The following EDA variants were observed in gnomAD, a reference collection of about 807,000 sequenced individuals.
EDA encodes the protein ectodysplasin A, also known as ectodysplasin-A.
Under a neutral mutation model 23.6 loss-of-function variants are expected in EDA, and 2 were observed. The observed-to-expected ratio is 0.08, with a 90% CI of 0.03 to 0.27. EDA has a LOEUF of 0.27. Among genes scored for constraint, EDA ranks in the 10% least tolerant of loss-of-function variants. EDA has a pLI of 1.00. For missense variants in EDA, 229 were observed against 324.2 expected (o/e 0.71, Z 2.26); for synonymous variants, 131 against 132.0 (o/e 0.99, Z 0.05).
chrX:69,798,922 A>G (rs2015608910), intron 1 of EDA, among the ~76,000 whole-genome samples: 1 of 111,788 alleles, frequency 8.9e-6, no homozygotes, highest in African/African-American at 3.2e-5. Flanking sequence ...GCAAAACTGG[A>G]AGAATCACAT....
chrX:69,974,027 A>G (rs1032896357), intron 2 of EDA, among the ~76,000 whole-genome samples: 1 of 108,143 alleles, frequency 9.2e-6, no homozygotes, highest in African/African-American at 3.4e-5. Flanking sequence ...AACTTTAAAT[A>G]TATATATATA....
intron 1 of EDA, among the ~76,000 whole-genome samples, chrX:69,721,267 G>A (rs1362190123): frequency 8.9e-6 from 1 of 112,054 alleles, no homozygotes; most frequent in Non-Finnish European, 1.9e-5. Context: ...CTCCAAAAGT[G>A]TTTGGGCAAA....
chrX:69,857,709 T>A (rs946090966), intron 1 of EDA, among the ~76,000 whole-genome samples: 2 of 109,290 alleles, frequency 1.8e-5, no homozygotes, highest in Non-Finnish European at 3.8e-5. Context: ...TTTGTCTATG[T>A]GGGCTCTTTT....
chrX:70,003,092 G>A (rs1315492881), intron 2 of EDA, among the ~76,000 whole-genome samples: 1 of 111,882 alleles, frequency 8.9e-6, no homozygotes, highest in East Asian at 2.8e-4. Flanking sequence ...TAGACCTGAG[G>A]TTCATAAAAT....
chrX:69,650,432 GA>G lies in EDA; in HGVS notation c.396+33729del, dbSNP rs770619644. 3.2e-4 allele frequency among the ~76,000 whole-genome samples: 36 copies of G among 111,551 alleles called. 1 individual carries two copies. The South Asian group carries it at 8.0e-3, about 25-fold the overall frequency. On this transcript the variant is annotated intron_variant, in intron 1 of 7. Coordinates refer to ENST00000374552, the MANE Select transcript of EDA (RefSeq NM_001399.5). ...CAGAGGCTGGGAAGGGTCGTAGGGA[GA>G]GGGGTCACGAAGAGGGGTTGGTTAA... is the stretch of plus-strand genomic sequence containing the variant.
At chrX:69,949,804 C>T (rs1416971375) in intron 1 of EDA, among the ~76,000 whole-genome samples, 1 of 111,604 alleles carries the variant, frequency 9.0e-6, no homozygotes, top group African/African-American at 3.3e-5. Flanking sequence ...CATTATGGCT[C>T]CTACCTTGTG....
chrX:69,676,538 G>A (rs1233372019), intron 1 of EDA, among the ~76,000 whole-genome samples: 1 of 110,481 alleles, frequency 9.1e-6, no homozygotes, highest in Admixed American at 9.6e-5. Context: ...GTGTGTGTGT[G>A]TAATCTCTAA....
At chrX:69,664,155 G>A (rs1326617777) in intron 1 of EDA, among the ~76,000 whole-genome samples, 2 of 111,710 alleles carry the variant, frequency 1.8e-5, no homozygotes, top group African/African-American at 6.5e-5. Flanking sequence ...GAAATGTGAG[G>A]ACATGAGATT....
chrX:69,621,032 C>A, intron 1 of EDA: 1 of 280,490 alleles, frequency 3.6e-6, no homozygotes, highest in South Asian at 3.9e-5. Flanking sequence ...ACCACGTGGT[C>A]AGTCTCCCAG....
chrX:69,657,760 A>G (rs182248470), intron 1 of EDA, among the ~76,000 whole-genome samples: 130 of 111,329 alleles, frequency 1.2e-3, no homozygotes, highest in African/African-American at 4.1e-3. Context: ...ACTTTTGTCA[A>G]CTTTGTCAAA....
chrX:69,681,365 G>A (rs1390860795), intron 1 of EDA, among the ~76,000 whole-genome samples: 1 of 109,989 alleles, frequency 9.1e-6, no homozygotes, highest in Admixed American at 9.7e-5. Flanking sequence ...CTGAACGTTG[G>A]CCTGCTTTGC....
intron 1 of EDA, among the ~76,000 whole-genome samples, chrX:69,936,359 G>T (rs1394718678): frequency 1.8e-5 from 2 of 111,173 alleles, no homozygotes; most frequent in African/African-American, 3.3e-5. Flanking sequence ...CAATCACAAG[G>T]AATTTTTCCT....
chrX:69,994,552 A>G (rs368244123), intron 2 of EDA, among the ~76,000 whole-genome samples: 272 of 112,176 alleles, frequency 2.4e-3, no homozygotes, highest in African/African-American at 8.0e-3. Context: ...AGGCCCAGAA[A>G]TCTGTACTTT....
intron 1 of EDA, among the ~76,000 whole-genome samples, chrX:69,705,800 C>T (rs35185180): frequency 0.031 from 3,420 of 111,689 alleles, 57 homozygotes; most frequent in Non-Finnish European, 0.049. Context: ...AAATTTTCTA[C>T]GCCAAATTTG....
chrX:69,934,336 G>A (rs1284646629), intron 1 of EDA, among the ~76,000 whole-genome samples: 1 of 111,587 alleles, frequency 9.0e-6, no homozygotes, highest in Non-Finnish European at 1.9e-5. Context: ...TGCAGTGGAG[G>A]AAAATGATTA....
At chrX:69,801,832 A>G (rs1037515385) in intron 1 of EDA, among the ~76,000 whole-genome samples, 8 of 112,060 alleles carry the variant, frequency 7.1e-5, no homozygotes, top group African/African-American at 1.3e-4. Context: ...TTTGCAAAAA[A>G]TCACCAAGTC....
intron 1 of EDA, among the ~76,000 whole-genome samples, chrX:69,877,718 G>A (rs991889286): frequency 1.8e-5 from 2 of 111,799 alleles, no homozygotes; most frequent in Non-Finnish European, 3.8e-5. Flanking sequence ...TTGTGCTTTT[G>A]GTGTCATATC....
chrX:69,752,061 C>G (rs1602367089), intron 1 of EDA, among the ~76,000 whole-genome samples: 1 of 110,723 alleles, frequency 9.0e-6, no homozygotes, highest in South Asian at 3.9e-4. Context: ...AGTTGAATAC[C>G]CTTTATTTCT....
intron 5 of EDA, among the ~76,000 whole-genome samples, chrX:70,029,811 CA>C (rs1285149012): frequency 8.9e-6 from 1 of 112,548 alleles, no homozygotes. Context: ...GCCCAGTAGT[CA>C]GCTGAAATAA....
Sources: gnomAD v4.1 joint callset for allele counts (sites outside exome capture counted in the v4.1 genomes callset) on GRCh38, gnomAD v4.1.1 for gene constraint, MANE v1.5 for transcripts, NCBI Gene and HGNC (gene_info 2026-07-23, HGNC 2026-07-21) for gene names.